The following CALN1 variants were observed in gnomAD, a reference collection of about 807,000 sequenced individuals.
CALN1 encodes the protein calneuron 1, also known as calcium-binding protein 8.
CALN1 carries 17 observed loss-of-function variants against 30.6 expected under a neutral mutation model. That is an observed-to-expected ratio of 0.56 (90% CI 0.38 to 0.83). CALN1 has a LOEUF of 0.83. Among genes scored for constraint, CALN1 ranks in the 40% least tolerant of loss-of-function variants. CALN1 has a pLI of 0.00. For missense variants in CALN1, 291 were observed against 354.9 expected (o/e 0.82, Z 1.45); for synonymous variants, 156 against 131.4 (o/e 1.19, Z -1.28).
At chr7:71,945,143 C>T (rs1283694127) in intron 5 of CALN1, among the ~76,000 whole-genome samples, 2 of 149,706 alleles carry the variant, frequency 1.3e-5, no homozygotes, top group East Asian at 3.8e-4. Flanking sequence ...CTCTTGCTTT[C>T]TCTCTCACCA....
chr7:71,847,789 A>G (rs1164397416), intron 5 of CALN1, among the ~76,000 whole-genome samples: 4 of 148,200 alleles, frequency 2.7e-5, no homozygotes, highest in South Asian at 2.2e-4. Context: ...GAAGAAGAAG[A>G]AGAAGAAAAG....
intron 3 of CALN1, among the ~76,000 whole-genome samples, chr7:72,150,888 A>G (rs147616595): frequency 1.2e-4 from 18 of 152,042 alleles, no homozygotes; most frequent in African/African-American, 4.3e-4. Context: ...GATGATGATG[A>G]TGATGATGAT....
chr7:71,905,678 G>T (rs1794094943), intron 5 of CALN1, among the ~76,000 whole-genome samples: 1 of 152,026 alleles, frequency 6.6e-6, no homozygotes, highest in Non-Finnish European at 1.5e-5. Flanking sequence ...GGCCTGACAT[G>T]TCAGTAAAAT....
At chr7:72,085,106 C>G (rs1051817265) in intron 4 of CALN1, among the ~76,000 whole-genome samples, 9 of 152,154 alleles carry the variant, frequency 5.9e-5, no homozygotes, top group African/African-American at 2.2e-4. Context: ...GTCAGAAGGT[C>G]AATAGCAGCC....
chr7:72,291,018 G>A (rs531751357), intron 2 of CALN1, among the ~76,000 whole-genome samples: 42 of 151,712 alleles, frequency 2.8e-4, no homozygotes, highest in Admixed American at 1.5e-3. Flanking sequence ...CTGCCTCCCG[G>A]GTTCAAGCAA....
intron 5 of CALN1, among the ~76,000 whole-genome samples, chr7:71,965,557 A>C (rs546137416): frequency 6.7e-6 from 1 of 150,038 alleles, no homozygotes; most frequent in African/African-American, 2.4e-5. Flanking sequence ...CTGCTATTTG[A>C]AAAACAGTAA....
At chr7:71,928,663 A>G (rs1795394318) in intron 5 of CALN1, among the ~76,000 whole-genome samples, 1 of 152,126 alleles carries the variant, frequency 6.6e-6, no homozygotes, top group Non-Finnish European at 1.5e-5. Flanking sequence ...GGTTTTTTGT[A>G]GAGTCACAGA....
chr7:72,236,661 T>C (rs144044371), intron 3 of CALN1, among the ~76,000 whole-genome samples: 10 of 152,318 alleles, frequency 6.6e-5, no homozygotes, highest in African/African-American at 2.4e-4. Context: ...CAATATGTGA[T>C]AATTAATGGT....
intron 3 of CALN1, among the ~76,000 whole-genome samples, chr7:72,209,092 T>C (rs1490729828): frequency 1.5e-5 from 2 of 134,606 alleles, no homozygotes; most frequent in Non-Finnish European, 3.1e-5. Context: ...CCTTCCCTCC[T>C]TTCTTGTGTC....
chr7:71,781,937 A>G lies in CALN1; in HGVS notation c.*5838T>C, dbSNP rs539105912. ...ATATATTTCCAGTCAACGGAATAAA[A>G]TTAATTTTGCCTTGGAGACGTTTTG... On this transcript the variant is annotated 3_prime_UTR_variant, in exon 7 of 7. Transcript: ENST00000395275. 1 of 152,328 alleles carries G rather than the reference A, an allele frequency of 6.6e-6. No individual in the cohort carries two copies. Among genetic ancestry groups the G allele is most frequent in the East Asian group, 1.9e-4 (1 of 5,182 alleles). The allele number at this position is 152,328 out of a possible 1,614,324, so 9.4% of individuals were successfully genotyped here.
At chr7:72,208,837 A>G (rs1464579264) in intron 3 of CALN1, among the ~76,000 whole-genome samples, 1 of 152,206 alleles carries the variant, frequency 6.6e-6, no homozygotes. Context: ...GTGAATACAC[A>G]GTGTTAGAAG....
intron 2 of CALN1, among the ~76,000 whole-genome samples, chr7:72,316,658 G>A (rs895812668): frequency 1.8e-4 from 27 of 152,120 alleles, no homozygotes; most frequent in Non-Finnish European, 2.5e-4. Context: ...ATTTTAGGCC[G>A]GGGGCAGTGT....
chr7:72,175,751 A>G (rs938990994), intron 3 of CALN1, among the ~76,000 whole-genome samples: 1 of 152,104 alleles, frequency 6.6e-6, no homozygotes. Context: ...TTCTAACCTC[A>G]TGCATTTCAA....
At chr7:72,293,292 G>A (rs80152323) in intron 2 of CALN1, among the ~76,000 whole-genome samples, 2,229 of 152,262 alleles carry the variant, frequency 0.015, 69 homozygotes, top group African/African-American at 0.051. Flanking sequence ...GAACCTCAAA[G>A]TTGAGTTTCC....
the CALN1 span, among the ~76,000 whole-genome samples, chr7:72,481,567 T>G: frequency 1.3e-5 from 2 of 152,236 alleles, no homozygotes; most frequent in Non-Finnish European, 2.9e-5. Context: ...CTTAGGTTAT[T>G]TAAGAACTTT....
chr7:72,324,632 G>A (rs759263771), intron 2 of CALN1, among the ~76,000 whole-genome samples: 70 of 151,512 alleles, frequency 4.6e-4, no homozygotes, highest in Non-Finnish European at 8.5e-4. Context: ...GGCCAGGCTG[G>A]AGCTCAATGG....
At chr7:71,893,997 T>A (rs1297334521) in intron 5 of CALN1, among the ~76,000 whole-genome samples, 2 of 152,130 alleles carry the variant, frequency 1.3e-5, no homozygotes, top group Non-Finnish European at 2.9e-5. Flanking sequence ...TCTCCCAGGA[T>A]TTAAAAAGCT....
At chr7:72,319,618 G>C (rs1360435610) in intron 2 of CALN1, among the ~76,000 whole-genome samples, 3 of 152,178 alleles carry the variant, frequency 2.0e-5, no homozygotes, top group Non-Finnish European at 1.5e-5. Flanking sequence ...GATGGAACAG[G>C]AGGCCATTAT....
intron 6 of CALN1, among the ~76,000 whole-genome samples, chr7:71,799,096 T>A (rs1787145555): frequency 6.6e-6 from 1 of 152,168 alleles, no homozygotes; most frequent in Non-Finnish European, 1.5e-5. Context: ...AAAAAATAAC[T>A]AGAAGAAGAT....
Sources: gnomAD v4.1 joint callset for allele counts (sites outside exome capture counted in the v4.1 genomes callset) on GRCh38, gnomAD v4.1.1 for gene constraint, MANE v1.5 for transcripts, NCBI Gene and HGNC (gene_info 2026-07-23, HGNC 2026-07-21) for gene names.